The following PRDX6 variants were observed in gnomAD, a reference collection of about 807,000 sequenced individuals.
The protein encoded by PRDX6 is peroxiredoxin 6.
A neutral mutation model predicts 20.0 loss-of-function variants in PRDX6; 13 were observed. The observed-to-expected ratio is 0.65, with a 90% CI of 0.42 to 1.03. The LOEUF (loss-of-function observed/expected upper bound fraction) is 1.03. PRDX6 is among the 50% of genes least tolerant of loss of function. The probability of loss-of-function intolerance (pLI) is 0.00; values close to 1 mark genes in which losing one functional copy is unlikely to be tolerated. For missense variants in PRDX6, 203 were observed against 276.9 expected (o/e 0.73, Z 1.89); for synonymous variants, 85 against 100.8 (o/e 0.84, Z 0.94).
chr1:173,487,392 G>A (rs999936019), intron 4 of PRDX6, among the ~76,000 whole-genome samples: 2 of 152,182 alleles, frequency 1.3e-5, no homozygotes, highest in Admixed American at 6.5e-5. Context: ...AGCATGCTTG[G>A]AGAAGAAGCT....
In PRDX6 at chr1:173,481,416, C is replaced by A; in HGVS notation, c.186C>A (p.Ala62=). 6.2e-7 allele frequency: 1 copy of A among 1,613,922 alleles called. No individual in the cohort carries two copies. Residue 62 remains alanine, a synonymous_variant, in exon 2 of 5, where the codon GCC becomes GCA. Transcript: ENST00000340385. ...GRAAKLAPEF[A]KRNVKLIALS... ...CTGCAAAGCTGGCACCAGAATTTGC[C>A]AAGAGGAATGTTAAGTTGATTGCCC...
At chr1:173,485,619 CTG>C (rs1347307440) in intron 3 of PRDX6, 112 bp downstream of exon 3, 6 of 1,048,738 alleles carry the variant, frequency 5.7e-6, no homozygotes, top group Admixed American at 6.1e-5. Flanking sequence ...TATGAAATAA[CTG>C]TGTATTGGCG....
chr1:173,481,477 A>G lies in PRDX6; in HGVS notation c.247A>G (p.Ser83Gly), dbSNP rs780743420. 1.9e-6 allele frequency: 3 copies of G among 1,613,792 alleles called. No individual in the cohort carries two copies. The highest frequency in any genetic ancestry group is 2.5e-6 in the Non-Finnish European group (3 of 1,179,808). Reference protein sequence around the residue: ...IDSVEDHLAWSKDINAYNCEE... With the variant: ...IDSVEDHLAWGKDINAYNCEE... Reference sequence around the variant, plus strand: ...CAGTGTTGAGGACCATCTTGCCTGGAGCAAGGTTAGTATCAATTGGCATGT... The same window carrying G: ...CAGTGTTGAGGACCATCTTGCCTGGGGCAAGGTTAGTATCAATTGGCATGT... The change falls in exon 2 of 5, where the codon AGC becomes GGC. Residue 83 changes from serine (S) to glycine (G), a missense_variant. Physicochemically the swap from Ser to Gly is moderately conservative, Grantham distance 56. Coordinates refer to ENST00000340385, the MANE Select transcript of PRDX6 (RefSeq NM_004905.3).
chr1:173,478,215 ACT>A (rs1658738201), intron 1 of PRDX6, among the ~76,000 whole-genome samples: 2 of 152,234 alleles, frequency 1.3e-5, no homozygotes, highest in South Asian at 2.1e-4. Flanking sequence ...AGCCAAGAAC[ACT>A]CTGCGTAGGT....
Sources: gnomAD v4.1 joint callset for allele counts (sites outside exome capture counted in the v4.1 genomes callset) on GRCh38, gnomAD v4.1.1 for gene constraint, MANE v1.5 for transcripts, NCBI Gene and HGNC (gene_info 2026-07-23, HGNC 2026-07-21) for gene names.